Variants in MYO7A observed in about 807,000 individuals in gnomAD.
The protein encoded by MYO7A is unconventional myosin-VIIa.
In MYO7A, 210 loss-of-function variants were observed where a neutral mutation model predicts 263.8. The observed-to-expected ratio is 0.80, with a 90% CI of 0.71 to 0.89. MYO7A has a LOEUF of 0.89. Among genes scored for constraint, MYO7A ranks in the 40% least tolerant of loss-of-function variants. The pLI, the probability that MYO7A is intolerant of heterozygous loss-of-function variation, is 0.00. For synonymous variants in MYO7A, 1,239 were observed against 1,197.3 expected (o/e 1.03, Z -0.72); for missense variants, 2,820 against 2,968.3 (o/e 0.95, Z 1.16).
At position 77,140,076 on chromosome 11, in the gene MYO7A, C is replaced by T. The variant is rs957640642; in HGVS notation, c.19-2633C>T. Reference sequence around the variant, plus strand: ...TAGTCATGTCTGTTTGCTGTGTGGCCCCAAGAGCTTCACTCAGCCTCTCGG... The same window carrying T: ...TAGTCATGTCTGTTTGCTGTGTGGCTCCAAGAGCTTCACTCAGCCTCTCGG... On this transcript the variant is annotated intron_variant, in intron 2 of 48. Coordinates refer to ENST00000409709, the MANE Select transcript of MYO7A (RefSeq NM_000260.4). Among the ~76,000 whole-genome samples, 7 of 152,268 alleles carry T rather than the reference C, an allele frequency of 4.6e-5. No homozygotes were observed. In the East Asian group the frequency reaches 1.4e-3, roughly 29 times the overall value.
rs144235469 is a variant in MYO7A at position 77,179,024 on chromosome 11, G to A, written c.2283-21G>A. 109 of 1,580,516 alleles carry A rather than the reference G, an allele frequency of 6.9e-5. No individual in the cohort carries two copies. In the East Asian group the frequency reaches 8.6e-4, roughly 12 times the overall value. On this transcript the variant is annotated intron_variant, in intron 19 of 48. Coordinates refer to ENST00000409709, the MANE Select transcript of MYO7A (RefSeq NM_000260.4). Reference sequence around the variant, plus strand: ...GGCTGCCTCTGGACACTGCTCACCCGCGCCACTACTGCTGTTTCAGGTCTA... The same window carrying A: ...GGCTGCCTCTGGACACTGCTCACCCACGCCACTACTGCTGTTTCAGGTCTA...
In MYO7A at chr11:77,205,634, G is replaced by A; in HGVS notation, c.5636+17G>A. 2 of 1,612,762 alleles carry A rather than the reference G, an allele frequency of 1.2e-6. No individual in the cohort carries two copies. The highest frequency in any genetic ancestry group is 1.7e-6 in the Non-Finnish European group (2 of 1,179,726). On this transcript the variant is annotated intron_variant, in intron 40 of 48. Coordinates refer to ENST00000409709, the MANE Select transcript of MYO7A (RefSeq NM_000260.4). ...AGCCCTGAGGTACAGCGGCCACCAG[G>A]GGCAGGGACAGACACTGGGGCGGGC...
At chr11:77,175,498 G>C (rs550529471) in intron 18 of MYO7A, 34 bp downstream of exon 18, 6 of 1,599,798 alleles carry the variant, frequency 3.8e-6, no homozygotes, top group Middle Eastern at 1.7e-4. Flanking sequence ...GCTGCCCTGG[G>C]GGGGCTGTAA....
rs1003600562 is a variant in MYO7A at position 77,158,996 on chromosome 11, T to C, written c.1004-451T>C. Among the ~76,000 whole-genome samples the C allele has an allele frequency of 1.3e-5, 2 of 152,110 alleles. 1 individual carries two copies. The highest frequency in any genetic ancestry group is 2.9e-5 in the Non-Finnish European group (2 of 68,026). ...CCCAAGGAATGAATGATCCCAGCAC[T>C]AAGGAGATCACAGTCTAGGCATCTT... On this transcript the variant is annotated intron_variant, in intron 9 of 48. Coordinates refer to ENST00000409709, the MANE Select transcript of MYO7A (RefSeq NM_000260.4).
intron 48 of MYO7A, among the ~76,000 whole-genome samples, chr11:77,214,185 C>T (rs190261016): frequency 7.6e-4 from 116 of 152,336 alleles, no homozygotes; most frequent in African/African-American, 2.4e-3. Flanking sequence ...ACAGATCCCT[C>T]GTTCAACAAC....
rs2135235587 is a variant in MYO7A, at chr11:77,156,696, G to A, written c.507G>A (p.Lys169=). 1 of 1,614,018 alleles carries A rather than the reference G, an allele frequency of 6.2e-7. No homozygotes were observed. Among genetic ancestry groups the A allele is most frequent in the South Asian group, 1.1e-5 (1 of 91,078 alleles). ...ESGAGKTEST[K]LILQFLAAIS... The stretch of plus-strand genomic sequence containing the variant: ...GGGCCGGGAAGACGGAGAGCACAAA[G>A]CTGATCCTGCAGTTCCTGGCAGCCA... Residue 169 remains lysine (K), a synonymous_variant, in exon 6 of 49, where the codon AAG becomes AAA. Transcript: ENST00000409709.
At chr11:77,208,838 C>T (rs968103168) in intron 44 of MYO7A, 35 bp downstream of exon 44, 1 of 1,457,116 alleles carries the variant, frequency 6.9e-7, no homozygotes, top group East Asian at 2.5e-5. Flanking sequence ...CCTTCGTGCA[C>T]AGCTAGCGTT....
At chr11:77,196,842 T>TACCCCAGA (rs1210533484) in intron 32 of MYO7A, among the ~76,000 whole-genome samples, 1 of 152,170 alleles carries the variant, frequency 6.6e-6, no homozygotes, top group Non-Finnish European at 1.5e-5. Context: ...CCTCCAATGC[T>TACCCCAGA]ACCCCAGAAC....
At chr11:77,157,514 G>A (rs151115896) in intron 8 of MYO7A, 122 bp downstream of exon 8, 38 of 670,086 alleles carry the variant, frequency 5.7e-5, no homozygotes, top group Non-Finnish European at 8.3e-5. Context: ...GCTTCTTGCT[G>A]GCTTGTCTGG....
chr11:77,177,715 T>G, intron 19 of MYO7A, 72 bp downstream of exon 19: 2 of 1,296,538 alleles, frequency 1.5e-6, no homozygotes, highest in South Asian at 2.5e-5. Context: ...GGCTCTCCTC[T>G]GCTCTGCCCG....
At position 77,204,175 on chromosome 11, in the gene MYO7A, T is replaced by C; in HGVS notation, c.5426T>C (p.Leu1809Pro). 1.9e-6 allele frequency: 3 copies of C among 1,588,532 alleles called. No individual in the cohort carries two copies. The highest frequency in any genetic ancestry group is 1.7e-6 in the Non-Finnish European group (2 of 1,167,874). ...IFEGPLKAEP[L>P]KDEAYVQILK... is the part of the protein sequence containing the mutation. Reference sequence around the variant, plus strand: ...GAGGGTCCCCTGAAAGCCGAGCCCCTGAAGGACGAGGCATATGTGCAGATC... The same window carrying C: ...GAGGGTCCCCTGAAAGCCGAGCCCCCGAAGGACGAGGCATATGTGCAGATC... Residue 1809 changes from leucine to proline, a missense_variant, in exon 39 of 49, where the codon CTG becomes CCG. By Grantham distance (98) the Leu-to-Pro change is moderately conservative. Coordinates refer to ENST00000409709, the MANE Select transcript of MYO7A (RefSeq NM_000260.4).
chr11:77,169,734 A>G (rs1156915064), intron 15 of MYO7A, among the ~76,000 whole-genome samples: 1 of 152,170 alleles, frequency 6.6e-6, no homozygotes, highest in Non-Finnish European at 1.5e-5. Context: ...TAAAACAGAA[A>G]AAGTCTCTGT....
chr11:77,170,892 T>C (rs1458113391), intron 15 of MYO7A, among the ~76,000 whole-genome samples: 4 of 152,134 alleles, frequency 2.6e-5, no homozygotes, highest in Admixed American at 1.3e-4. Context: ...ATATATTAGA[T>C]GTGACAGAAG....
chr11:77,198,432 G>A, intron 33 of MYO7A, 63 bp from the exon 34 acceptor site: 3 of 1,589,984 alleles, frequency 1.9e-6, no homozygotes, highest in Non-Finnish European at 2.6e-6. Flanking sequence ...GCCGTTATGA[G>A]ATTGAGAAGG....
chr11:77,183,176 G>A lies in MYO7A; in HGVS notation c.3375+19G>A, dbSNP rs1555086074. On this transcript the variant is annotated intron_variant, in intron 26 of 48. Transcript: ENST00000409709. ...AGAGGAGGTGAGGGCAGACGCTGGG[G>A]GTCTGGCAGCCCAGGGGTGGCTGCC... is the stretch of plus-strand genomic sequence containing the variant. 6.5e-7 allele frequency: 1 copy of A among 1,548,124 alleles called. No individual in the cohort carries two copies. The highest frequency in any genetic ancestry group is 8.7e-7 in the Non-Finnish European group (1 of 1,144,402).
At chr11:77,194,235 C>G (rs1956468603) in intron 31 of MYO7A, 119 bp from the exon 32 acceptor site, 8 of 1,229,806 alleles carry the variant, frequency 6.5e-6, no homozygotes, top group Non-Finnish European at 9.2e-6. Context: ...GTCCCAAAGG[C>G]CAGGCTCTGA....
At chr11:77,181,342 G>A (rs1298586498) in intron 22 of MYO7A, 38 bp from the exon 23 acceptor site, 16 of 1,523,126 alleles carry the variant, frequency 1.1e-5, no homozygotes, top group Non-Finnish European at 1.4e-5. Flanking sequence ...GGCACCGGGG[G>A]CTGACCCCGT....
intron 3 of MYO7A, among the ~76,000 whole-genome samples, chr11:77,144,228 A>G (rs1951411391): frequency 6.6e-6 from 1 of 152,186 alleles, no homozygotes; most frequent in Non-Finnish European, 1.5e-5. Flanking sequence ...ATATCATTCC[A>G]GAGGCTCCAG....
chr11:77,211,050 G>A, intron 44 of MYO7A, 102 bp from the exon 45 acceptor site: 1 of 1,117,248 alleles, frequency 9.0e-7, no homozygotes, highest in Non-Finnish European at 1.3e-6. Context: ...CCATGTGCGG[G>A]GTAAGGTGGT....
Sources: gnomAD v4.1 joint callset for allele counts (sites outside exome capture counted in the v4.1 genomes callset) on GRCh38, gnomAD v4.1.1 for gene constraint, MANE v1.5 for transcripts, NCBI Gene and HGNC (gene_info 2026-07-23, HGNC 2026-07-21) for gene names.